The following PSG8 variants were observed in gnomAD, a reference collection of about 807,000 sequenced individuals.
PSG8 encodes pregnancy specific beta-1-glycoprotein 8, also known as pregnancy-specific beta-1-glycoprotein 8.
In PSG8, 57 loss-of-function variants were observed where a neutral mutation model predicts 42.5. The ratio of observed to expected loss-of-function variants is 1.34; its 90% CI spans 1.08 to 1.67. The LOEUF is 1.67. Ranked by LOEUF, PSG8 falls within the 40% of genes most tolerant of loss-of-function variation. The pLI, the probability that PSG8 is intolerant of heterozygous loss-of-function variation, is 0.00. For synonymous variants in PSG8, 280 were observed against 196.8 expected, an observed-to-expected ratio of 1.42 and a Z score of -3.54; for missense variants, 783 against 518.6, an observed-to-expected ratio of 1.51 and a Z score of -4.95.
downstream of PSG8, chr19:42,753,419 G>T (rs768055435): frequency 2.6e-6 from 2 of 777,614 alleles, no homozygotes; most frequent in Non-Finnish European, 4.8e-6. Flanking sequence ...GAACAGAGAT[G>T]CAATCTCATA....
rs566768914 is a variant in PSG8 at position 42,756,531 on chromosome 19, T to C, written c.710-1265A>G. 5.4e-3 allele frequency among the ~76,000 whole-genome samples: 820 copies of C among 152,190 alleles called. 2 individuals carry two copies. The highest frequency in any genetic ancestry group is 7.2e-3 in the Non-Finnish European group (492 of 67,984). ...GGTTTAGCATCCCAAATCTGAAAGA[T>C]TCAAAATCTAAAATGCTCCAGTGAG... On this transcript the variant is annotated intron_variant, in intron 3 of 4. Transcript: ENST00000306511.
chr19:42,758,142 G>T lies in PSG8; in HGVS notation c.569C>A (p.Ser190Tyr), dbSNP rs761918495. 6.2e-7 allele frequency: 1 copy of T among 1,614,030 alleles called. No homozygotes were observed. Among genetic ancestry groups the T allele is most frequent in the East Asian group, 2.2e-5 (1 of 44,874 alleles). ...WWMNGQSLPM[S>Y]HRLQLSETNR... is the part of the protein sequence containing the mutation. ...GGTTTCAGACAACTGCAACCTGTGAGACATAGGGAGGCTCTGACCATTCAT... is the reference window on the plus strand; with the variant it reads ...GGTTTCAGACAACTGCAACCTGTGATACATAGGGAGGCTCTGACCATTCAT... The change falls in exon 3 of 5, where the codon TCT becomes TAT. Residue 190 changes from serine (S) to tyrosine (Y), a missense_variant. Physicochemically the swap from Ser to Tyr is moderately radical, Grantham distance 144. Coordinates refer to ENST00000306511, the MANE Select transcript of PSG8 (RefSeq NM_182707.3).
At chr19:42,762,657 A>G (rs1178253108) in intron 2 of PSG8, among the ~76,000 whole-genome samples, 3 of 151,826 alleles carry the variant, frequency 2.0e-5, no homozygotes, top group East Asian at 1.9e-4. Context: ...AGTGACATGG[A>G]CACTTTGGGA....
At chr19:42,762,711 G>A (rs1444705897) in intron 2 of PSG8, among the ~76,000 whole-genome samples, 1 of 151,920 alleles carries the variant, frequency 6.6e-6, no homozygotes, top group East Asian at 1.9e-4. Context: ...AGATCTGAGG[G>A]GGAGGCCTGG....
chr19:42,763,942 G>T lies in PSG8; in HGVS notation c.404C>A (p.Thr135Asn). Residue 135 changes from threonine (T) to asparagine (N), a missense_variant, in exon 2 of 5, where the codon ACT becomes AAT. Thr to Asn is a moderately conservative substitution (Grantham distance 65). Coordinates refer to ENST00000306511, the MANE Select transcript of PSG8 (RefSeq NM_182707.3). ...ATATAAGGTGAAGGTGAAATGTCCAGTTACTCCTCTATTCTCATCACCTCC... is the reference window on the plus strand; with the variant it reads ...ATATAAGGTGAAGGTGAAATGTCCATTTACTCCTCTATTCTCATCACCTCC... ...IMGGDENRGV[T>N]GHFTFTLYLE... The T allele has an allele frequency of 1.9e-6, 3 of 1,613,740 alleles. No homozygotes were observed. Among genetic ancestry groups the T allele is most frequent in the East Asian group, 4.5e-5 (2 of 44,870 alleles).
Position 42,758,002 on chromosome 19 carries a change from G to A in PSG8, c.709C>T (p.Pro237Ser), listed in dbSNP as rs753198802. Residue 237 changes from proline (P) to serine (S), a missense_variant and splice_region_variant, in exon 3 of 5, where the codon CCG becomes TCG. By Grantham distance (74) the Pro-to-Ser change is moderately conservative. Transcript: ENST00000306511. ...TCACAGAGGAACAGAAAATACTCACGGAGGAGATTCAGGGTGAATGGGTCA... is the reference window on the plus strand; with the variant it reads ...TCACAGAGGAACAGAAAATACTCACAGAGGAGATTCAGGGTGAATGGGTCA... ...RSDPFTLNLL[P>S]KLPKPYITIN... 6.8e-6 allele frequency: 11 copies of A among 1,613,892 alleles called. No homozygotes were observed. Among genetic ancestry groups the A allele is most frequent in the African/African-American group, 2.7e-5 (2 of 74,912 alleles).
At chr19:42,755,738 C>T (rs1969908907) in intron 3 of PSG8, 1 of 181,180 alleles carries the variant, frequency 5.5e-6, no homozygotes, top group African/African-American at 2.4e-5. Flanking sequence ...GGTCCTGAAA[C>T]CCTGAAGATA....
chr19:42,762,922 C>T (rs577963918), intron 2 of PSG8, among the ~76,000 whole-genome samples: 13 of 152,170 alleles, frequency 8.5e-5, no homozygotes, highest in African/African-American at 2.6e-4. Context: ...CCTGTGGCTG[C>T]GGACACACCT....
At chr19:42,761,137 A>G (rs1353367037) in intron 2 of PSG8, among the ~76,000 whole-genome samples, 1 of 152,174 alleles carries the variant, frequency 6.6e-6, no homozygotes, top group Non-Finnish European at 1.5e-5. Context: ...CAACAGTGAC[A>G]GGAAACTAGC....
At chr19:42,753,016 A>G, downstream of PSG8, 1 of 528,584 alleles carries the variant, frequency 1.9e-6, no homozygotes, top group Non-Finnish European at 3.4e-6. Flanking sequence ...GTGAAATTCT[A>G]ATGACTGCAT....
chr19:42,756,691 T>G (rs1363397696), intron 3 of PSG8, among the ~76,000 whole-genome samples: 2 of 152,130 alleles, frequency 1.3e-5, no homozygotes, highest in African/African-American at 2.4e-5. Context: ...TGGCCATGCC[T>G]CACTCGTATA....
chr19:42,764,159 T>C lies in PSG8; in HGVS notation c.187A>G (p.Thr63Ala), dbSNP rs201774677. ...LLVHNLPQNL[T>A]GYIWYKGQIR... ...TGCCCTTTGTACCAGATGTAGCCAG[T>C]AAGATTCTGGGGCAAATTGTGGACA... Residue 63 changes from threonine (T) to alanine (A), a missense_variant, in exon 2 of 5, where the codon ACT becomes GCT. Thr to Ala is a moderately conservative substitution (Grantham distance 58). Transcript: ENST00000306511. 5.3e-5 allele frequency: 86 copies of C among 1,613,914 alleles called. 1 individual carries two copies. In the Admixed American group the frequency reaches 8.5e-4, roughly 16 times the overall value.
intron 2 of PSG8, among the ~76,000 whole-genome samples, chr19:42,759,726 CA>C (rs1970026416): frequency 6.6e-6 from 1 of 152,016 alleles, no homozygotes; most frequent in Non-Finnish European, 1.5e-5. Context: ...ACTCTAGTAA[CA>C]AAAAATATTT....
At position 42,760,283 on chromosome 19, in the gene PSG8, A is replaced by G. The variant is rs571438353; in HGVS notation, c.431-2003T>C. Among the ~76,000 whole-genome samples the G allele has an allele frequency of 3.0e-4, 45 of 152,162 alleles. No homozygotes were observed. In the East Asian group the frequency reaches 3.7e-3, roughly 12 times the overall value. On this transcript the variant is annotated intron_variant, in intron 2 of 4. Coordinates refer to ENST00000306511, the MANE Select transcript of PSG8 (RefSeq NM_182707.3). ...AGTTGTATGTGGCAAAGGCAGTAAA[A>G]CCATCAGATAGCACCCACCTGGCCA...
downstream of PSG8, chr19:42,754,178 C>A (rs1969849567): frequency 4.0e-6 from 6 of 1,518,918 alleles, no homozygotes; most frequent in South Asian, 8.0e-5. Context: ...TTTCAAAGTT[C>A]TTAGACAAAT....
At chr19:42,753,582 A>T (rs1969834522), downstream of PSG8, among the ~76,000 whole-genome samples, 1 of 152,228 alleles carries the variant, frequency 6.6e-6, no homozygotes, top group Non-Finnish European at 1.5e-5. Flanking sequence ...GTGCAGCAAG[A>T]GTAGCAATGG....
Position 42,763,987 on chromosome 19 carries a change from T to C in PSG8, c.359A>G (p.Tyr120Cys). ...QNVTQEDAGS[Y>C]TLHIIMGGDE... ...ACCTCCCATTATGATGTGTAAGGTGTAGGATCCTGCGTCTTCCTGGGTGAC... is the reference window on the plus strand; with the variant it reads ...ACCTCCCATTATGATGTGTAAGGTGCAGGATCCTGCGTCTTCCTGGGTGAC... The change falls in exon 2 of 5, where the codon TAC becomes TGC. Residue 120 changes from tyrosine (Y) to cysteine (C), a missense_variant. Coordinates refer to ENST00000306511, the MANE Select transcript of PSG8 (RefSeq NM_182707.3). 1.9e-6 allele frequency: 3 copies of C among 1,611,040 alleles called. No individual in the cohort carries two copies. The highest frequency in any genetic ancestry group is 2.5e-6 in the Non-Finnish European group (3 of 1,179,420).
At chr19:42,760,004 G>A (rs1331459445) in intron 2 of PSG8, among the ~76,000 whole-genome samples, 1 of 152,162 alleles carries the variant, frequency 6.6e-6, no homozygotes, top group Non-Finnish European at 1.5e-5. Context: ...CAAATTAAAA[G>A]AAGTGATGTG....
chr19:42,754,334 A>G lies in PSG8; in HGVS notation c.1242T>C (p.Ser414=). Reference sequence around the variant, plus strand: ...CCAAGGATACTGGGATCCGCTTACCAGAGACTTTTACTGTCATGGATTTGG... The same window carrying G: ...CCAAGGATACTGGGATCCGCTTACCGGAGACTTTTACTGTCATGGATTTGG... ...ESSKSMTVKV[S]GKRIPVSLAI... is the part of the protein sequence containing the mutation. The change falls in exon 5 of 5, where the codon TCT becomes TCC. Residue 414 remains serine (S), a synonymous_variant. Coordinates refer to ENST00000306511, the MANE Select transcript of PSG8 (RefSeq NM_182707.3). 2.5e-6 allele frequency: 4 copies of G among 1,613,800 alleles called. No homozygotes were observed. The highest frequency in any genetic ancestry group is 3.4e-6 in the Non-Finnish European group (4 of 1,179,794).
Sources: gnomAD v4.1 joint callset for allele counts (sites outside exome capture counted in the v4.1 genomes callset) on GRCh38, gnomAD v4.1.1 for gene constraint, MANE v1.5 for transcripts, NCBI Gene and HGNC (gene_info 2026-07-23, HGNC 2026-07-21) for gene names.